Variants in DOK6 observed in about 807,000 individuals in gnomAD.
DOK6 encodes the protein docking protein 6.
A neutral mutation model predicts 44.0 loss-of-function variants in DOK6; 22 were observed. The observed-to-expected ratio is 0.50, with a 90% CI of 0.36 to 0.71. The LOEUF is 0.71. DOK6 is among the 30% of genes least tolerant of loss of function. The pLI is 0.00. For synonymous variants in DOK6, 166 were observed against 145.5 expected (o/e 1.14, Z -1.01); for missense variants, 340 against 416.4 (o/e 0.82, Z 1.60).
At chr18:69,605,008 T>A (rs535533954) in intron 3 of DOK6, among the ~76,000 whole-genome samples, 2 of 151,842 alleles carry the variant, frequency 1.3e-5, no homozygotes, top group South Asian at 4.2e-4. Context: ...ATCTGCACCA[T>A]GGCCTCTGGA....
intron 7 of DOK6, among the ~76,000 whole-genome samples, chr18:69,804,226 A>G (rs1023098391): frequency 6.6e-6 from 1 of 152,170 alleles, no homozygotes; most frequent in African/African-American, 2.4e-5. Context: ...CTCATTGAAA[A>G]GTTGTTTTCA....
At chr18:69,794,005 A>G (rs1314959171) in intron 7 of DOK6, among the ~76,000 whole-genome samples, 2 of 152,146 alleles carry the variant, frequency 1.3e-5, no homozygotes, top group Non-Finnish European at 2.9e-5. Context: ...ATTTTTATTT[A>G]ACATCCCTGA....
intron 1 of DOK6, among the ~76,000 whole-genome samples, chr18:69,501,360 A>T (rs1254110075): frequency 6.6e-6 from 1 of 152,150 alleles, no homozygotes; most frequent in African/African-American, 2.4e-5. Context: ...TTCAAAAGTT[A>T]TACTATTGCC....
intron 5 of DOK6, among the ~76,000 whole-genome samples, chr18:69,724,393 C>CG (rs1978296216): frequency 6.6e-6 from 1 of 152,130 alleles, no homozygotes; most frequent in African/African-American, 2.4e-5. Context: ...TTTCATGGAG[C>CG]TTTAACAACT....
chr18:69,741,639 G>T (rs747586402), intron 6 of DOK6, among the ~76,000 whole-genome samples: 7 of 151,992 alleles, frequency 4.6e-5, no homozygotes, highest in Non-Finnish European at 8.8e-5. Context: ...TGGTACTACA[G>T]GCCTGCACCA....
chr18:69,417,398 C>A (rs748090706), intron 1 of DOK6, among the ~76,000 whole-genome samples: 1 of 152,068 alleles, frequency 6.6e-6, no homozygotes, highest in Non-Finnish European at 1.5e-5. Context: ...GACAGGAGTT[C>A]ATTCTTTTTA....
intron 1 of DOK6, among the ~76,000 whole-genome samples, chr18:69,484,666 G>C (rs1167653766): frequency 6.6e-6 from 1 of 152,058 alleles, no homozygotes; most frequent in Non-Finnish European, 1.5e-5. Context: ...AACATCTTAT[G>C]TAATACATAT....
intron 1 of DOK6, among the ~76,000 whole-genome samples, chr18:69,408,771 C>T (rs1206292121): frequency 5.3e-5 from 8 of 152,088 alleles, no homozygotes; most frequent in Admixed American, 1.3e-4. Context: ...AACCACAGCA[C>T]GATCTTAACT....
At chr18:69,529,264 T>A (rs1981920269) in intron 1 of DOK6, among the ~76,000 whole-genome samples, 1 of 152,210 alleles carries the variant, frequency 6.6e-6, no homozygotes, top group Non-Finnish European at 1.5e-5. Context: ...CATGTCTTTT[T>A]TCCCTCACCC....
At chr18:69,580,730 T>C (rs1468125512) in intron 2 of DOK6, among the ~76,000 whole-genome samples, 1 of 152,158 alleles carries the variant, frequency 6.6e-6, no homozygotes, top group Non-Finnish European at 1.5e-5. Flanking sequence ...ATATAATATA[T>C]TGTTAATTAT....
chr18:69,713,245 A>G (rs149021570), intron 5 of DOK6, among the ~76,000 whole-genome samples: 1 of 152,358 alleles, frequency 6.6e-6, no homozygotes, highest in East Asian at 1.9e-4. Context: ...ACAATTATTC[A>G]ACGAGATCTC....
intron 5 of DOK6, among the ~76,000 whole-genome samples, chr18:69,734,343 A>G (rs1316751132): frequency 1.6e-5 from 2 of 121,806 alleles, no homozygotes; most frequent in Admixed American, 1.2e-4. Context: ...TTTTGCCTAG[A>G]GTTTCTTAGA....
intron 1 of DOK6, among the ~76,000 whole-genome samples, chr18:69,549,375 A>G (rs1225937976): frequency 6.6e-6 from 1 of 151,478 alleles, no homozygotes; most frequent in Non-Finnish European, 1.5e-5. Context: ...TTATTAAATT[A>G]GTAGTTGTAG....
intron 7 of DOK6, among the ~76,000 whole-genome samples, chr18:69,771,288 A>G (rs1012341573): frequency 2.6e-5 from 4 of 151,946 alleles, no homozygotes; most frequent in Non-Finnish European, 5.9e-5. Context: ...TAAAATTAAG[A>G]TCATACTACA....
chr18:69,708,892 A>G (rs1986696651), intron 5 of DOK6, among the ~76,000 whole-genome samples: 1 of 152,122 alleles, frequency 6.6e-6, no homozygotes. Flanking sequence ...CCTGCACAGC[A>G]CTGGACAGGG....
chr18:69,841,107 T>G, intron 7 of DOK6, 137 bp from the exon 8 acceptor site: 1 of 1,067,880 alleles, frequency 9.4e-7, no homozygotes, highest in Non-Finnish European at 1.3e-6. Flanking sequence ...GAGCTCAATA[T>G]TGAGGATGTG....
intron 1 of DOK6, among the ~76,000 whole-genome samples, chr18:69,521,358 A>T (rs993783207): frequency 6.6e-6 from 1 of 151,852 alleles, no homozygotes; most frequent in Non-Finnish European, 1.5e-5. Flanking sequence ...AACCAATCAA[A>T]TCAAGTGACA....
chr18:69,458,420 C>T (rs773159031), intron 1 of DOK6, among the ~76,000 whole-genome samples: 1 of 152,144 alleles, frequency 6.6e-6, no homozygotes, highest in Non-Finnish European at 1.5e-5. Context: ...CCTTGTATGA[C>T]AAACCCAAGG....
intron 1 of DOK6, among the ~76,000 whole-genome samples, chr18:69,455,364 T>G (rs1265539503): frequency 6.6e-6 from 1 of 152,204 alleles, no homozygotes; most frequent in African/African-American, 2.4e-5. Flanking sequence ...CCACTTGACC[T>G]ACTTTATTTT....
Sources: allele counts gnomAD v4.1 joint callset (sites outside exome capture counted in the v4.1 genomes callset), GRCh38; gene constraint gnomAD v4.1.1; transcripts MANE v1.5; gene names NCBI Gene and HGNC (gene_info 2026-07-23, HGNC 2026-07-21).